Variants in CLSTN1 observed in about 807,000 individuals in gnomAD.
The protein encoded by CLSTN1 is calsyntenin 1, also known as calsyntenin-1.
A neutral mutation model predicts 108.3 loss-of-function variants in CLSTN1; 28 were observed. The ratio of observed to expected loss-of-function variants is 0.26; its 90% CI spans 0.19 to 0.35. The LOEUF (loss-of-function observed/expected upper bound fraction) is 0.35, where lower values mean the gene tolerates loss of function less well. Ranked by LOEUF, CLSTN1 falls within the 10% of genes least tolerant of loss-of-function variation. The pLI is 1.00. For synonymous variants in CLSTN1, 524 were observed against 534.9 expected (o/e 0.98, Z 0.28); for missense variants, 1,157 against 1,302.6 (o/e 0.89, Z 1.72).
intron 1 of CLSTN1, among the ~76,000 whole-genome samples, chr1:9,794,334 A>T (rs1345527815): frequency 1.3e-5 from 2 of 151,388 alleles, no homozygotes; most frequent in Non-Finnish European, 2.9e-5. Flanking sequence ...TTTGAGATTG[A>T]GTCTCCCTCT....
chr1:9,765,360 G>A (rs1302234009), intron 2 of CLSTN1, among the ~76,000 whole-genome samples: 1 of 151,916 alleles, frequency 6.6e-6, no homozygotes, highest in Non-Finnish European at 1.5e-5. Context: ...CTATAGCCTG[G>A]GCGACAAGAG....
chr1:9,819,881 A>C (rs975822431), intron 1 of CLSTN1, among the ~76,000 whole-genome samples: 5 of 152,226 alleles, frequency 3.3e-5, no homozygotes, highest in Non-Finnish European at 4.4e-5. Flanking sequence ...GTAACAAATT[A>C]AGAAACCATC....
chr1:9,736,267 T>C (rs1650686775), intron 11 of CLSTN1, among the ~76,000 whole-genome samples: 1 of 152,118 alleles, frequency 6.6e-6, no homozygotes, highest in Non-Finnish European at 1.5e-5. Context: ...GTTGGGGGTG[T>C]CTCACCTGAA....
intron 3 of CLSTN1, 92 bp downstream of exon 3, chr1:9,756,389 C>G: frequency 1.0e-6 from 1 of 957,672 alleles, no homozygotes; most frequent in African/African-American, 1.6e-5. Flanking sequence ...AAGAGCATGA[C>G]AGTTTCTCCT....
chr1:9,785,891 T>TA (rs1178994912), intron 1 of CLSTN1, among the ~76,000 whole-genome samples: 1 of 152,044 alleles, frequency 6.6e-6, no homozygotes, highest in Non-Finnish European at 1.5e-5. Context: ...AAAAACACAT[T>TA]AAGGCCGGGC....
chr1:9,794,142 C>T (rs933552646), intron 1 of CLSTN1, among the ~76,000 whole-genome samples: 3 of 151,558 alleles, frequency 2.0e-5, no homozygotes, highest in Admixed American at 6.7e-5. Flanking sequence ...GGGTAAGTAA[C>T]GCAGGCACTT....
At chr1:9,760,212 C>T (rs1431837926) in intron 2 of CLSTN1, among the ~76,000 whole-genome samples, 1 of 152,164 alleles carries the variant, frequency 6.6e-6, no homozygotes, top group East Asian at 1.9e-4. Context: ...GATATGGTGC[C>T]TCAAATCCAC....
At chr1:9,744,255 T>A in intron 8 of CLSTN1, 140 bp downstream of exon 8, 1 of 1,298,308 alleles carries the variant, frequency 7.7e-7, no homozygotes, top group Non-Finnish European at 1.0e-6. Context: ...GGGAACCAAG[T>A]GCCCCAGGCA....
At chr1:9,735,248 G>A (rs945761506) in intron 13 of CLSTN1, 74 bp from the exon 14 acceptor site, 134 of 1,526,884 alleles carry the variant, frequency 8.8e-5, no homozygotes, top group Non-Finnish European at 1.2e-4. Flanking sequence ...AAGGCACATG[G>A]AGGTGGGATA....
At chr1:9,761,382 A>G (rs1652062179) in intron 2 of CLSTN1, among the ~76,000 whole-genome samples, 2 of 152,174 alleles carry the variant, frequency 1.3e-5, no homozygotes, top group South Asian at 4.1e-4. Flanking sequence ...GGTCCCGGCT[A>G]CTTGGGAGCC....
Position 9,730,486 on chromosome 1 carries a change from C to T in CLSTN1, c.*22G>A, listed in dbSNP as rs1256346474. 1.3e-6 allele frequency: 2 copies of T among 1,596,892 alleles called. No individual in the cohort carries two copies. Among genetic ancestry groups the T allele is most frequent in the Admixed American group, 3.3e-5 (2 of 60,000 alleles). On this transcript the variant is annotated 3_prime_UTR_variant, in exon 19 of 19. Coordinates refer to ENST00000377298, the MANE Select transcript of CLSTN1 (RefSeq NM_001009566.3). The surrounding 1 kb of genome is among the most constrained non-coding windows in gnomAD (Gnocchi z 5.6). ...GCAGCAGAGTCTTCGAAAGCAGAAA[C>T]CGAGGTGGCCGGGGGCACGGGTCAG...
At chr1:9,731,427 C>T (rs200550572) in intron 17 of CLSTN1, 37 bp from the exon 18 acceptor site, 14 of 1,605,566 alleles carry the variant, frequency 8.7e-6, no homozygotes, top group Admixed American at 6.7e-5. Flanking sequence ...CGAGGTCACT[C>T]GGCCCAGAAG....
chr1:9,788,867 C>T (rs1243869764), intron 1 of CLSTN1, among the ~76,000 whole-genome samples: 1 of 76,278 alleles, frequency 1.3e-5, no homozygotes, highest in African/African-American at 5.1e-5. Context: ...GACTCCGTCT[C>T]AAAAAAAAAA....
chr1:9,779,023 CAA>C (rs70998309), intron 1 of CLSTN1, among the ~76,000 whole-genome samples: 22 of 102,094 alleles, frequency 2.2e-4, no homozygotes, highest in Admixed American at 4.0e-4. Flanking sequence ...GACTTCGTCT[CAA>C]AAAAAAAAAA....
intron 1 of CLSTN1, among the ~76,000 whole-genome samples, chr1:9,789,152 A>G (rs1653644352): frequency 6.6e-6 from 1 of 151,392 alleles, no homozygotes; most frequent in African/African-American, 2.4e-5. Flanking sequence ...AAATACCTCA[A>G]GGCCCTGTTT....
chr1:9,772,349 C>T (rs1652733774), intron 2 of CLSTN1, among the ~76,000 whole-genome samples: 2 of 151,680 alleles, frequency 1.3e-5, no homozygotes, highest in South Asian at 4.2e-4. Context: ...GCTCTGTTGC[C>T]CAGGCTGGAG....
intron 1 of CLSTN1, among the ~76,000 whole-genome samples, chr1:9,811,944 T>A (rs1654776863): frequency 6.6e-6 from 1 of 152,096 alleles, no homozygotes. Context: ...GAGACCATCC[T>A]GGCTAACACA....
At chr1:9,739,704 A>G (rs1226823889) in intron 10 of CLSTN1, among the ~76,000 whole-genome samples, 1 of 152,264 alleles carries the variant, frequency 6.6e-6, no homozygotes, top group African/African-American at 2.4e-5. Context: ...AATAACAATA[A>G]TAAAAACCTT....
chr1:9,774,377 C>T (rs1652836348), intron 1 of CLSTN1, among the ~76,000 whole-genome samples: 1 of 151,846 alleles, frequency 6.6e-6, no homozygotes, highest in Non-Finnish European at 1.5e-5. Flanking sequence ...ACCAGCCTGG[C>T]CAATATGTTG....
Sources: gnomAD v4.1 joint callset for allele counts (sites outside exome capture counted in the v4.1 genomes callset) on GRCh38, gnomAD v4.1.1 for gene constraint, Gnocchi (gnomAD v3.1) non-coding constraint, MANE v1.5 for transcripts, NCBI Gene and HGNC (gene_info 2026-07-23, HGNC 2026-07-21) for gene names.